LETM2: variants seen among roughly 807,000 people sequenced by gnomAD.
The protein encoded by LETM2 is LETM1 domain-containing protein LETM2, mitochondrial.
A neutral mutation model predicts 59.6 loss-of-function variants in LETM2; 58 were observed. The observed-to-expected ratio is 0.97, with a 90% CI of 0.79 to 1.21. The LOEUF (loss-of-function observed/expected upper bound fraction) is 1.21. Ranked by LOEUF, LETM2 falls within the 50% of genes most tolerant of loss-of-function variation. LETM2 has a pLI of 0.00. For missense variants in LETM2, 572 were observed against 575.7 expected, an observed-to-expected ratio of 0.99 and a Z score of 0.07; for synonymous variants, 199 against 214.1, an observed-to-expected ratio of 0.93 and a Z score of 0.62.
chr8:38,405,553 TCAGGAAACAC>T, intron 8 of LETM2, among the ~76,000 whole-genome samples: 1 of 152,336 alleles, frequency 6.6e-6, no homozygotes, highest in Admixed American at 6.5e-5. Flanking sequence ...AAACCCAACT[TCAGGAAACAC>T]CATCTTGCTT....
In LETM2 at chr8:38,400,264, C is replaced by A. The variant is rs769597371; in HGVS notation, c.646-8C>A. ...GGATTGAGTAACTTTTATTCTTCTA[C>A]CATTAAGGAAGAAAAACAGAAAAAG... On this transcript the variant is annotated splice_region_variant and splice_polypyrimidine_tract_variant and intron_variant, in intron 4 of 10. Coordinates refer to ENST00000379957, the MANE Select transcript of LETM2 (RefSeq NM_001286819.2). 1.2e-6 allele frequency: 2 copies of A among 1,600,524 alleles called. No individual in the cohort carries two copies. The highest frequency in any genetic ancestry group is 2.7e-5 in the African/African-American group (2 of 74,084).
Position 38,392,646 on chromosome 8 carries a change from A to G in LETM2, c.152A>G (p.Tyr51Cys), listed in dbSNP as rs1226012392. The change falls in exon 3 of 11, where the codon TAT becomes TGT. Residue 51 changes from tyrosine to cysteine, a missense_variant. Physicochemically the swap from Tyr to Cys is radical, Grantham distance 194 (BLOSUM62 -2). Transcript: ENST00000379957. ...SHLNKTCMKN[Y>C]ESKKYSDPSQ... ...TTAAATAAGACATGTATGAAGAACT[A>G]TGAGAGCAAGAAGTACTCGGATCCT... The G allele has an allele frequency of 3.7e-6, 6 of 1,614,082 alleles. No homozygotes were observed. Among genetic ancestry groups the G allele is most frequent in the Non-Finnish European group, 5.1e-6 (6 of 1,179,950 alleles).
upstream of LETM2, among the ~76,000 whole-genome samples, chr8:38,385,044 G>A (rs1811717005): frequency 6.6e-6 from 1 of 152,196 alleles, no homozygotes; most frequent in Non-Finnish European, 1.5e-5. Flanking sequence ...TTCAGTGAGG[G>A]AAAAGTAAAG....
chr8:38,407,526 G>A (rs1813828943), intron 10 of LETM2, 63 bp downstream of exon 10: 2 of 1,086,330 alleles, frequency 1.8e-6, no homozygotes, highest in African/African-American at 1.6e-5. Context: ...ATCTTTAAGG[G>A]CAGTGAGAAT....
intron 4 of LETM2, among the ~76,000 whole-genome samples, chr8:38,396,563 AT>A (rs777061050): frequency 5.3e-5 from 8 of 152,112 alleles, no homozygotes; most frequent in Non-Finnish European, 1.5e-5. Flanking sequence ...TGTTGAAAAG[AT>A]TTTCTCTTCT....
chr8:38,392,806 C>A lies in LETM2; in HGVS notation c.312C>A (p.Ser104Arg). ...EQATKHPQVT[S>R]PQATKETGME... ...CCACAAAACATCCACAGGTGACAAGCCCTCAGGCCACAAAAGAAACTGGCA... is the reference window on the plus strand; with the variant it reads ...CCACAAAACATCCACAGGTGACAAGACCTCAGGCCACAAAAGAAACTGGCA... The change falls in exon 3 of 11, where the codon AGC (serine) becomes AGA (arginine). Residue 104 changes from serine to arginine, a missense_variant. Transcript: ENST00000379957. 1 of 1,614,086 alleles carries A rather than the reference C, an allele frequency of 6.2e-7. No individual in the cohort carries two copies. Among genetic ancestry groups the A allele is most frequent in the Non-Finnish European group, 8.5e-7 (1 of 1,180,032 alleles).
intron 4 of LETM2, among the ~76,000 whole-genome samples, chr8:38,399,183 G>A (rs1224274926): frequency 6.6e-6 from 1 of 151,942 alleles, no homozygotes; most frequent in African/African-American, 2.4e-5. Flanking sequence ...ACCACCCTGA[G>A]TCCTGACTGT....
intron 10 of LETM2, chr8:38,407,966 A>C: frequency 2.1e-6 from 1 of 475,148 alleles, no homozygotes; most frequent in Non-Finnish European, 3.8e-6. Context: ...CTGTGGACCA[A>C]AGACATGGCT....
At position 38,408,302 on chromosome 8, in the gene LETM2, T is replaced by G; in HGVS notation, c.*28T>G. ...GACTACTTGAGGATGGAGCTCACTC[T>G]CTTCAGCTTCCGGCCCTCAACAGTG... On this transcript the variant is annotated 3_prime_UTR_variant, in exon 11 of 11. Coordinates refer to ENST00000379957, the MANE Select transcript of LETM2 (RefSeq NM_001286819.2). The G allele has an allele frequency of 6.3e-7, 1 of 1,596,154 alleles. No individual in the cohort carries two copies. Among genetic ancestry groups the G allele is most frequent in the Non-Finnish European group, 8.6e-7 (1 of 1,165,776 alleles).
intron 7 of LETM2, 131 bp from the exon 8 acceptor site, chr8:38,404,262 T>C (rs1397075490): frequency 1.5e-6 from 1 of 651,420 alleles, no homozygotes; most frequent in South Asian, 1.8e-5. Flanking sequence ...CTGCCGTGAC[T>C]CATCACCTGA....
chr8:38,385,973 T>C (rs1202932016), upstream of LETM2, among the ~76,000 whole-genome samples: 3 of 152,216 alleles, frequency 2.0e-5, no homozygotes, highest in African/African-American at 7.2e-5. Context: ...AGAATACAGA[T>C]TTCCATATGA....
chr8:38,401,155 TTTTTGA>T, intron 6 of LETM2, 102 bp downstream of exon 6: 1 of 971,308 alleles, frequency 1.0e-6, no homozygotes, highest in East Asian at 2.5e-5. Flanking sequence ...TTTGTTTTTG[TTTTTGA>T]GACAAAGTCT....
At chr8:38,406,877 T>A in intron 8 of LETM2, 69 bp from the exon 9 acceptor site, 1 of 964,924 alleles carries the variant, frequency 1.0e-6, no homozygotes, top group South Asian at 1.4e-5. Flanking sequence ...AGGCATTGAC[T>A]ACTGTAAAAG....
In LETM2 at chr8:38,408,207, C is replaced by T; in HGVS notation, c.1414-5C>T. On this transcript the variant is annotated splice_polypyrimidine_tract_variant and splice_region_variant and intron_variant, in intron 10 of 10. Transcript: ENST00000379957. ...ATGCCTACAGTCCTTGTTTTTTACGCCTAGACACTCCAGGCCAAATCACAA... is the reference window on the plus strand; with the variant it reads ...ATGCCTACAGTCCTTGTTTTTTACGTCTAGACACTCCAGGCCAAATCACAA... The T allele has an allele frequency of 6.2e-7, 1 of 1,611,760 alleles. No individual in the cohort carries two copies. Among genetic ancestry groups the T allele is most frequent in the Non-Finnish European group, 8.5e-7 (1 of 1,178,914 alleles).
Position 38,408,534 on chromosome 8 carries a change from A to AC in LETM2, c.*266dup, listed in dbSNP as rs1014280500. ...CCCCACTCAACTTTGTATAAAGCCCACCCCCCATCATGTTGTTTTTTTAGT... is the reference window on the plus strand; with the variant it reads ...CCCCACTCAACTTTGTATAAAGCCCACCCCCCCATCATGTTGTTTTTTTAGT... On this transcript the variant is annotated 3_prime_UTR_variant, in exon 11 of 11. Transcript: ENST00000379957. 3.4e-5 allele frequency: 12 copies of AC among 348,954 alleles called. No homozygotes were observed. In the East Asian group the frequency reaches 4.6e-4, roughly 13 times the overall value. The allele number at this position is 348,954 out of a possible 1,614,324, so 21.6% of individuals were successfully genotyped here. A position where few individuals can be genotyped will look rare whatever the true frequency, so the allele number is the denominator to read the frequency against.
At chr8:38,398,834 C>T (rs1342841662) in intron 4 of LETM2, among the ~76,000 whole-genome samples, 4 of 151,730 alleles carry the variant, frequency 2.6e-5, no homozygotes, top group African/African-American at 9.7e-5. Flanking sequence ...ATTCTCCTGC[C>T]TCAGCCTGCT....
At chr8:38,394,918 G>T (rs1585987602) in intron 4 of LETM2, among the ~76,000 whole-genome samples, 1 of 151,612 alleles carries the variant, frequency 6.6e-6, no homozygotes, top group Non-Finnish European at 1.5e-5. Context: ...CCAACCCATG[G>T]CAGCCACTGA....
chr8:38,394,338 C>A, intron 4 of LETM2, 97 bp downstream of exon 4: 1 of 553,786 alleles, frequency 1.8e-6, no homozygotes, highest in Non-Finnish European at 3.0e-6. Context: ...TTCTCCCCAC[C>A]CAACCCCATC....
rs1193631431 is a variant in LETM2 at position 38,400,285 on chromosome 8, A to G, written c.659A>G (p.Lys220Arg). ...ESESKKEEKQ[K>R]KKMAVKLELA... The stretch of plus-strand genomic sequence containing the variant: ...TCTACCATTAAGGAAGAAAAACAGA[A>G]AAAGAAAATGGCTGTAAAGTTGGAA... Residue 220 changes from lysine (K) to arginine (R), a missense_variant, in exon 5 of 11, where the codon AAA becomes AGA. By Grantham distance (26) the Lys-to-Arg change is conservative. Transcript: ENST00000379957. 6.2e-7 allele frequency: 1 copy of G among 1,609,028 alleles called. No individual in the cohort carries two copies. Among genetic ancestry groups the G allele is most frequent in the Non-Finnish European group, 8.5e-7 (1 of 1,178,238 alleles).
Sources: allele counts gnomAD v4.1 joint callset (sites outside exome capture counted in the v4.1 genomes callset), GRCh38; gene constraint gnomAD v4.1.1; transcripts MANE v1.5; gene names NCBI Gene and HGNC (gene_info 2026-07-23, HGNC 2026-07-21).